CCDC191: variants seen among roughly 807,000 people sequenced by gnomAD.
CCDC191 encodes the protein coiled-coil domain-containing protein 191.
In CCDC191, 99 loss-of-function variants were observed where a neutral mutation model predicts 114.0. The observed-to-expected ratio is 0.87, with a 90% confidence interval of 0.74 to 1.03. The LOEUF (loss-of-function observed/expected upper bound fraction) is 1.03, where lower values mean the gene tolerates loss of function less well. Among genes scored for constraint, CCDC191 ranks in the 50% least tolerant of loss-of-function variants. The pLI, the probability that CCDC191 is intolerant of heterozygous loss-of-function variation, is 0.00. For synonymous variants in CCDC191, 351 were observed against 376.0 expected (o/e 0.93, Z 0.77); for missense variants, 973 against 1,087.0 (o/e 0.90, Z 1.47).
intron 13 of CCDC191, among the ~76,000 whole-genome samples, chr3:113,985,484 AGGG>A (rs2075320913): frequency 6.6e-6 from 1 of 152,154 alleles, no homozygotes; most frequent in Non-Finnish European, 1.5e-5. Context: ...AAAGGGAAAA[AGGG>A]GGCAGAAAAA....
At chr3:113,992,144 A>G (rs1415761483) in intron 13 of CCDC191, among the ~76,000 whole-genome samples, 1 of 152,224 alleles carries the variant, frequency 6.6e-6, no homozygotes, top group African/African-American at 2.4e-5. Context: ...AAGTTCCAGC[A>G]CATCACTGGA....
intron 8 of CCDC191, among the ~76,000 whole-genome samples, chr3:114,014,603 A>G (rs1401354091): frequency 6.6e-6 from 1 of 152,106 alleles, no homozygotes; most frequent in African/African-American, 2.4e-5. Flanking sequence ...CTGCCTATGT[A>G]CTAGTTTACT....
chr3:114,032,483 A>G (rs951152801), intron 6 of CCDC191, among the ~76,000 whole-genome samples: 1 of 152,170 alleles, frequency 6.6e-6, no homozygotes, highest in African/African-American at 2.4e-5. Context: ...CTGCACAGGT[A>G]TATGTATGTG....
chr3:113,996,990 T>C (rs2075739920), intron 13 of CCDC191, among the ~76,000 whole-genome samples: 1 of 152,230 alleles, frequency 6.6e-6, no homozygotes, highest in African/African-American at 2.4e-5. Context: ...TATACCTATG[T>C]AACAAACCTG....
intron 3 of CCDC191, among the ~76,000 whole-genome samples, chr3:114,043,171 G>A (rs1054120779): frequency 6.6e-6 from 1 of 152,158 alleles, no homozygotes; most frequent in African/African-American, 2.4e-5. Context: ...AGGGAAGAAA[G>A]ATAGAGAAGT....
intron 7 of CCDC191, among the ~76,000 whole-genome samples, chr3:114,021,856 ACTAGTC>A (rs761370987): frequency 1.1e-4 from 17 of 152,174 alleles, no homozygotes; most frequent in Admixed American, 1.3e-4. Context: ...TAGCCAGGTA[ACTAGTC>A]TGATTTCCCT....
At chr3:114,024,292 C>T (rs1408418505) in intron 7 of CCDC191, among the ~76,000 whole-genome samples, 4 of 152,160 alleles carry the variant, frequency 2.6e-5, no homozygotes, top group African/African-American at 4.8e-5. Flanking sequence ...GTCAGTGTGG[C>T]GATTCCTCAG....
chr3:114,039,913 T>C (rs904242201), intron 4 of CCDC191, among the ~76,000 whole-genome samples: 3 of 152,280 alleles, frequency 2.0e-5, no homozygotes, highest in Non-Finnish European at 4.4e-5. Context: ...TTTTTATAAA[T>C]TCAGTGTACC....
At chr3:113,967,107 GAAAAAAAGAA>G (rs975593585) in intron 16 of CCDC191, among the ~76,000 whole-genome samples, 8 of 64,096 alleles carry the variant, frequency 1.2e-4, no homozygotes, top group Non-Finnish European at 4.7e-5. Context: ...CTCAAAAAAA[GAAAAAAAGAA>G]AAAAAGAAAA....
chr3:114,013,959 G>A (rs1204303860), intron 8 of CCDC191, among the ~76,000 whole-genome samples: 1 of 152,058 alleles, frequency 6.6e-6, no homozygotes, highest in Non-Finnish European at 1.5e-5. Flanking sequence ...TTTTTCCTGA[G>A]AATCTAATTC....
chr3:113,985,695 AAAGG>A (rs931414262), intron 13 of CCDC191, among the ~76,000 whole-genome samples: 5 of 152,206 alleles, frequency 3.3e-5, no homozygotes, highest in African/African-American at 1.2e-4. Flanking sequence ...GAGCAGCACA[AAAGG>A]AAGACCCAAA....
Position 113,979,019 on chromosome 3 carries a change from T to C in CCDC191, c.2308-9A>G. The C allele has an allele frequency of 3.7e-6, 6 of 1,610,938 alleles. No homozygotes were observed. The highest frequency in any genetic ancestry group is 1.1e-5 in the South Asian group (1 of 90,864). On this transcript the variant is annotated splice_polypyrimidine_tract_variant and intron_variant, in intron 14 of 16. Coordinates refer to ENST00000295878, the MANE Select transcript of CCDC191 (RefSeq NM_020817.2). Reference sequence around the variant, plus strand: ...TAATGTTCTTCTGCCACCTGGACAATTTTTTAAATGAGAAATATTATTCCT... The same window carrying C: ...TAATGTTCTTCTGCCACCTGGACAACTTTTTAAATGAGAAATATTATTCCT...
chr3:113,999,504 G>A (rs1427293697), intron 13 of CCDC191, among the ~76,000 whole-genome samples: 1 of 152,118 alleles, frequency 6.6e-6, no homozygotes. Context: ...TATTAACATT[G>A]TCCTGTAATT....
In CCDC191 at chr3:114,035,136, G is replaced by A. The variant is rs778514406; in HGVS notation, c.607C>T (p.Arg203Cys). 7 of 1,611,956 alleles carry A rather than the reference G, an allele frequency of 4.3e-6. No homozygotes were observed. The African/African-American group carries it at 5.4e-5, about 12-fold the overall frequency. Residue 203 changes from arginine to cysteine, a missense_variant, in exon 6 of 17, where the codon CGC becomes TGC. Physicochemically the swap from Arg to Cys is radical, Grantham distance 180 (BLOSUM62 -3). Transcript: ENST00000295878. ...EMRHKQVKEN[R>C]LRREKELEYQ... is the part of the protein sequence containing the mutation. ...TCCAGTTCTTTCTCACGTCTTAAGC[G>A]ATTTTCTTTTACCTTAAAGCAAATA...
chr3:114,013,727 A>AATTTAGGTTTG (rs2076112357), intron 8 of CCDC191, among the ~76,000 whole-genome samples: 1 of 152,208 alleles, frequency 6.6e-6, no homozygotes, highest in Non-Finnish European at 1.5e-5. Flanking sequence ...TAAGAATATA[A>AATTTAGGTTTG]AATACAAAAG....
At chr3:114,041,326 C>T (rs2076556723) in intron 4 of CCDC191, among the ~76,000 whole-genome samples, 1 of 152,144 alleles carries the variant, frequency 6.6e-6, no homozygotes, top group Admixed American at 6.5e-5. Context: ...AATCTGGAAA[C>T]ATAGAACTAT....
chr3:114,017,102 CTTTTTTTTTT>C (rs374809107), intron 8 of CCDC191, among the ~76,000 whole-genome samples: 14 of 136,492 alleles, frequency 1.0e-4, no homozygotes, highest in African/African-American at 3.8e-4. Context: ...CAAGGATTCA[CTTTTTTTTTT>C]TTTTTTTTTA....
intron 3 of CCDC191, among the ~76,000 whole-genome samples, chr3:114,044,531 T>A (rs2076604505): frequency 6.6e-6 from 1 of 152,232 alleles, no homozygotes; most frequent in South Asian, 2.1e-4. Flanking sequence ...CATTAAATGA[T>A]GCCAAGAGGC....
intron 2 of CCDC191, among the ~76,000 whole-genome samples, chr3:114,053,239 T>TA (rs1450070077): frequency 6.6e-6 from 1 of 152,220 alleles, no homozygotes; most frequent in East Asian, 1.9e-4. Flanking sequence ...TTTCACCCAT[T>TA]AGTCCCTAGG....
Sources: allele counts gnomAD v4.1 joint callset (sites outside exome capture counted in the v4.1 genomes callset), GRCh38; gene constraint gnomAD v4.1.1; transcripts MANE v1.5; gene names NCBI Gene and HGNC (gene_info 2026-07-23, HGNC 2026-07-21).